The following NELL1 variants were observed in gnomAD, a reference collection of about 807,000 sequenced individuals.
NELL1 encodes the protein neural EGFL like 1, also known as protein kinase C-binding protein NELL1.
Under a neutral mutation model 107.4 loss-of-function variants are expected in NELL1, and 76 were observed. That is an observed-to-expected ratio of 0.71 (90% CI 0.59 to 0.86). The LOEUF is 0.86. NELL1 is among the 40% of genes least tolerant of loss of function. The pLI is 0.00. For synonymous variants in NELL1, 353 were observed against 341.2 expected (o/e 1.03, Z -0.38); for missense variants, 1,024 against 1,005.5 (o/e 1.02, Z -0.25).
intron 2 of NELL1, among the ~76,000 whole-genome samples, chr11:20,692,322 T>C (rs551217277): frequency 1.3e-4 from 20 of 152,256 alleles, no homozygotes; most frequent in Middle Eastern, 3.4e-3. Context: ...TCTTGCCTTC[T>C]GCTAGCTTTT....
intron 12 of NELL1, among the ~76,000 whole-genome samples, chr11:21,104,308 G>C (rs1007317912): frequency 6.6e-6 from 1 of 152,136 alleles, no homozygotes; most frequent in Admixed American, 6.6e-5. Context: ...ACCCTCAAAA[G>C]TCAGAAATAC....
chr11:20,771,016 C>G (rs1193900186), intron 2 of NELL1: 1 of 143,828 alleles, frequency 7.0e-6, no homozygotes, highest in South Asian at 2.6e-4. Flanking sequence ...CCTCTAGCTT[C>G]CCCCCGGCTC....
chr11:21,213,469 CAATTG>C (rs1370811448), intron 13 of NELL1, among the ~76,000 whole-genome samples: 1 of 151,812 alleles, frequency 6.6e-6, no homozygotes, highest in African/African-American at 2.4e-5. Context: ...TCAATTGAAT[CAATTG>C]AATTGAATCG....
chr11:20,710,332 G>A (rs1792993), intron 2 of NELL1, among the ~76,000 whole-genome samples: 128,886 of 152,138 alleles, frequency 0.85, 55,006 homozygotes, highest in Non-Finnish European at 0.87. Context: ...CTAATTGTCT[G>A]TGTGATGTAG....
chr11:20,796,459 C>T (rs1459180448), intron 3 of NELL1, among the ~76,000 whole-genome samples: 1 of 152,094 alleles, frequency 6.6e-6, no homozygotes, highest in East Asian at 1.9e-4. Flanking sequence ...TGAGATACAA[C>T]ATTGGCTTAT....
At chr11:20,726,390 G>A (rs905112904) in intron 2 of NELL1, among the ~76,000 whole-genome samples, 8 of 152,070 alleles carry the variant, frequency 5.3e-5, no homozygotes, top group African/African-American at 1.9e-4. Context: ...CAACTGTATA[G>A]TCAGTCTCTG....
intron 1 of NELL1, among the ~76,000 whole-genome samples, chr11:20,671,772 T>TG (rs148740004): frequency 0.072 from 10,087 of 141,032 alleles, 485 homozygotes; most frequent in African/African-American, 0.12. Flanking sequence ...TACAGATTGA[T>TG]GGGGGGGGTG....
chr11:21,272,574 G>A (rs1848763593), intron 14 of NELL1, among the ~76,000 whole-genome samples: 1 of 152,218 alleles, frequency 6.6e-6, no homozygotes, highest in Non-Finnish European at 1.5e-5. Context: ...CCAGCACGCA[G>A]CTGGACATCT....
intron 12 of NELL1, among the ~76,000 whole-genome samples, chr11:21,043,089 A>G (rs557803667): frequency 1.3e-5 from 2 of 152,316 alleles, no homozygotes; most frequent in East Asian, 1.9e-4. Flanking sequence ...ATGAAAAAAT[A>G]TATTTTTAAA....
intron 12 of NELL1, chr11:21,000,909 G>A (rs1852203926): frequency 6.6e-6 from 1 of 152,048 alleles, no homozygotes; most frequent in Admixed American, 6.6e-5. Context: ...TTCCCAGGAG[G>A]TCTCCCATCC....
intron 12 of NELL1, among the ~76,000 whole-genome samples, chr11:21,056,116 A>G (rs1853609184): frequency 6.6e-6 from 1 of 152,184 alleles, no homozygotes; most frequent in Non-Finnish European, 1.5e-5. Flanking sequence ...CTGAAGTGAG[A>G]GAGGTCCAGT....
At chr11:21,084,523 G>A (rs1367382844) in intron 12 of NELL1, among the ~76,000 whole-genome samples, 2 of 152,162 alleles carry the variant, frequency 1.3e-5, no homozygotes, top group African/African-American at 2.4e-5. Context: ...CAGTAGGTCA[G>A]AGATGAGAGT....
intron 4 of NELL1, among the ~76,000 whole-genome samples, chr11:20,854,163 C>T (rs545773066): frequency 6.6e-6 from 1 of 152,284 alleles, no homozygotes; most frequent in South Asian, 2.1e-4. Flanking sequence ...CTATTTGCCT[C>T]TCTACTTTGA....
intron 1 of NELL1, chr11:20,671,361 G>T: frequency 6.6e-6 from 1 of 152,538 alleles, no homozygotes; most frequent in Non-Finnish European, 1.5e-5. Context: ...CAGAGGAACC[G>T]CAGACAGGAA....
chr11:20,898,167 C>A (rs4923150), intron 5 of NELL1, among the ~76,000 whole-genome samples: 91,358 of 152,010 alleles, frequency 0.6, 32,823 homozygotes, highest in Non-Finnish European at 0.8. Flanking sequence ...CTTGGAACCA[C>A]CCCAAATGTC....
chr11:21,012,113 C>T (rs181313232), intron 12 of NELL1, among the ~76,000 whole-genome samples: 139 of 152,176 alleles, frequency 9.1e-4, no homozygotes, highest in Non-Finnish European at 1.6e-3. Context: ...ATAACATAGG[C>T]CACCCCCAAG....
chr11:20,701,128 G>A (rs1263858851), intron 2 of NELL1, among the ~76,000 whole-genome samples: 1 of 152,304 alleles, frequency 6.6e-6, no homozygotes, highest in South Asian at 2.1e-4. Context: ...CCCACCAACA[G>A]TGTAAAAGTG....
intron 15 of NELL1, among the ~76,000 whole-genome samples, chr11:21,436,927 G>T (rs188228260): frequency 1.9e-3 from 296 of 152,202 alleles, no homozygotes; most frequent in African/African-American, 6.6e-3. Flanking sequence ...AGTTTTCAGA[G>T]TTACTCTTTC....
intron 2 of NELL1, among the ~76,000 whole-genome samples, chr11:20,696,368 G>C (rs980141574): frequency 6.6e-6 from 1 of 151,700 alleles, no homozygotes; most frequent in Non-Finnish European, 1.5e-5. Context: ...CTAGGTTTGG[G>C]GTCATTTTTG....
Sources: allele counts gnomAD v4.1 joint callset (sites outside exome capture counted in the v4.1 genomes callset), GRCh38; gene constraint gnomAD v4.1.1; transcripts MANE v1.5; gene names NCBI Gene and HGNC (gene_info 2026-07-23, HGNC 2026-07-21).